Variants in HECW2 observed in about 807,000 individuals in gnomAD.
HECW2 encodes E3 ubiquitin-protein ligase HECW2.
HECW2 carries 61 observed loss-of-function variants against 175.2 expected under a neutral mutation model. The observed-to-expected ratio is 0.35, with a 90% CI of 0.28 to 0.43. The LOEUF (loss-of-function observed/expected upper bound fraction) is 0.43, where lower values mean the gene tolerates loss of function less well. Ranked by LOEUF, HECW2 falls within the 20% of genes least tolerant of loss-of-function variation. The probability of loss-of-function intolerance (pLI) is 1.00; values close to 1 mark genes in which losing one functional copy is unlikely to be tolerated. For missense variants in HECW2, 1,524 were observed against 2,000.5 expected, an observed-to-expected ratio of 0.76 and a Z score of 4.54; for synonymous variants, 671 against 731.0, an observed-to-expected ratio of 0.92 and a Z score of 1.32.
chr2:196,407,618 A>G (rs973290058), intron 2 of HECW2, among the ~76,000 whole-genome samples: 1 of 152,222 alleles, frequency 6.6e-6, no homozygotes. Context: ...ACCAGGTCAC[A>G]CTGTCAGGCA....
At chr2:196,500,717 T>C (rs16852764) in intron 1 of HECW2, among the ~76,000 whole-genome samples, 1 of 152,230 alleles carries the variant, frequency 6.6e-6, no homozygotes, top group African/African-American at 2.4e-5. Flanking sequence ...CATAAAAACA[T>C]TGCCTCAGAA....
chr2:196,475,317 G>A (rs1289487920), intron 1 of HECW2, among the ~76,000 whole-genome samples: 1 of 147,010 alleles, frequency 6.8e-6, no homozygotes, highest in African/African-American at 2.5e-5. Context: ...GGAGTGGGGA[G>A]AATAAAGGAG....
At chr2:196,395,648 GA>G (rs1395659103) in intron 2 of HECW2, among the ~76,000 whole-genome samples, 68 of 149,420 alleles carry the variant, frequency 4.6e-4, no homozygotes, top group Admixed American at 4.5e-3. Context: ...TCATCATTAG[GA>G]AAATGCAAGC....
At chr2:196,465,435 T>C (rs961156760) in intron 1 of HECW2, among the ~76,000 whole-genome samples, 3 of 152,130 alleles carry the variant, frequency 2.0e-5, no homozygotes, top group Non-Finnish European at 4.4e-5. Flanking sequence ...TAATGCTGGA[T>C]TCAGTGTTCT....
intron 1 of HECW2, among the ~76,000 whole-genome samples, chr2:196,455,674 T>G (rs1696487080): frequency 6.6e-6 from 1 of 152,182 alleles, no homozygotes; most frequent in South Asian, 2.1e-4. Flanking sequence ...CTAAACATTT[T>G]ACATTAAAAC....
At chr2:196,437,509 G>C (rs1575541734) in intron 1 of HECW2, among the ~76,000 whole-genome samples, 1 of 149,668 alleles carries the variant, frequency 6.7e-6, no homozygotes, top group East Asian at 2.0e-4. Context: ...CTACTCAGGA[G>C]GCTGAGGCAC....
intron 2 of HECW2, among the ~76,000 whole-genome samples, chr2:196,367,904 GATAC>G (rs1188071142): frequency 6.7e-6 from 1 of 149,332 alleles, no homozygotes; most frequent in African/African-American, 2.5e-5. Context: ...ATGGTACATA[GATAC>G]ATATATATAT....
intron 2 of HECW2, among the ~76,000 whole-genome samples, chr2:196,371,244 G>A (rs1693903182): frequency 6.6e-6 from 1 of 152,010 alleles, no homozygotes; most frequent in South Asian, 2.1e-4. Context: ...TACACGTATA[G>A]GTACATGTCA....
intron 2 of HECW2, among the ~76,000 whole-genome samples, chr2:196,415,385 C>T (rs907054066): frequency 2.0e-5 from 3 of 152,190 alleles, no homozygotes; most frequent in South Asian, 2.1e-4. Context: ...TCAGTCTGTT[C>T]GTTTTGAACA....
At chr2:196,592,833 GCCCCCAAAGT>G (rs1311102852) in intron 1 of HECW2, 11 of 150,528 alleles carry the variant, frequency 7.3e-5, no homozygotes, top group Non-Finnish European at 5.9e-5. Flanking sequence ...GCGGGAGGGC[GCCCCCAAAGT>G]CGCCCGGACC....
chr2:196,510,498 A>C (rs1021817017), intron 1 of HECW2, among the ~76,000 whole-genome samples: 37 of 152,294 alleles, frequency 2.4e-4, no homozygotes, highest in African/African-American at 8.7e-4. Context: ...ACTCATGCTG[A>C]ATGTGAGCAC....
intron 1 of HECW2, among the ~76,000 whole-genome samples, chr2:196,502,913 G>A (rs1398196586): frequency 6.6e-6 from 1 of 152,178 alleles, no homozygotes; most frequent in Non-Finnish European, 1.5e-5. Flanking sequence ...ATATTTTAAA[G>A]TCTATAAATT....
chr2:196,487,111 T>G (rs1372274709), intron 1 of HECW2, among the ~76,000 whole-genome samples: 1 of 146,642 alleles, frequency 6.8e-6, no homozygotes, highest in Non-Finnish European at 1.5e-5. Flanking sequence ...ATCGCACCAC[T>G]GCACTCCAGC....
intron 1 of HECW2, among the ~76,000 whole-genome samples, chr2:196,434,195 C>T (rs1326501573): frequency 6.6e-6 from 1 of 152,172 alleles, no homozygotes; most frequent in Non-Finnish European, 1.5e-5. Flanking sequence ...CCAGTGTCTA[C>T]AACAGTGCCT....
intron 28 of HECW2, among the ~76,000 whole-genome samples, chr2:196,211,584 A>G (rs1193140246): frequency 1.3e-5 from 2 of 152,198 alleles, no homozygotes; most frequent in African/African-American, 4.8e-5. Flanking sequence ...ATACTTTTAT[A>G]TACTCCTTGA....
rs749562384 is a variant in HECW2, at chr2:196,222,347, T to G, written c.4017-7A>C. 5 of 1,611,892 alleles carry G rather than the reference T, an allele frequency of 3.1e-6. No homozygotes were observed. The Admixed American group carries it at 8.4e-5, about 27-fold the overall frequency. On this transcript the variant is annotated splice_polypyrimidine_tract_variant and splice_region_variant and intron_variant, in intron 23 of 28. Transcript: ENST00000644978. ...GTCACTCAGGTCACATAGACTAAGATGACAAACAGACAGAAACAAATATGT... is the reference window on the plus strand; with the variant it reads ...GTCACTCAGGTCACATAGACTAAGAGGACAAACAGACAGAAACAAATATGT...
intron 1 of HECW2, among the ~76,000 whole-genome samples, chr2:196,556,897 C>G (rs1487511535): frequency 6.6e-6 from 1 of 152,088 alleles, no homozygotes; most frequent in Non-Finnish European, 1.5e-5. Flanking sequence ...AAAATACTTG[C>G]AGTATTCCTG....
chr2:196,519,906 T>G (rs1052024124), intron 1 of HECW2, among the ~76,000 whole-genome samples: 1 of 152,192 alleles, frequency 6.6e-6, no homozygotes, highest in Non-Finnish European at 1.5e-5. Context: ...CCAGAGGAAG[T>G]GATCTTCCCT....
chr2:196,578,559 T>A (rs1690643181), intron 1 of HECW2, among the ~76,000 whole-genome samples: 1 of 152,126 alleles, frequency 6.6e-6, no homozygotes, highest in African/African-American at 2.4e-5. Flanking sequence ...CACACCAAGG[T>A]ACATCATAGT....
Sources: gnomAD v4.1 joint callset for allele counts (sites outside exome capture counted in the v4.1 genomes callset) on GRCh38, gnomAD v4.1.1 for gene constraint, MANE v1.5 for transcripts, NCBI Gene and HGNC (gene_info 2026-07-23, HGNC 2026-07-21) for gene names.